CACNA2D3: variants seen among roughly 807,000 people sequenced by gnomAD.
CACNA2D3 encodes the protein voltage-dependent calcium channel subunit alpha-2/delta-3.
CACNA2D3 carries 60 observed loss-of-function variants against 160.6 expected under a neutral mutation model. That is an observed-to-expected ratio of 0.37 (90% confidence interval 0.30 to 0.46). The LOEUF (loss-of-function observed/expected upper bound fraction) is 0.46. Among genes scored for constraint, CACNA2D3 ranks in the 20% least tolerant of loss-of-function variants. CACNA2D3 has a pLI of 1.00. For missense variants in CACNA2D3, 1,205 were observed against 1,365.0 expected (o/e 0.88, Z 1.85); for synonymous variants, 558 against 492.9 (o/e 1.13, Z -1.75).
chr3:54,144,787 CAT>C (rs1174760263), intron 2 of CACNA2D3, among the ~76,000 whole-genome samples: 1 of 152,208 alleles, frequency 6.6e-6, no homozygotes, highest in African/African-American at 2.4e-5. Context: ...TGAAATAATA[CAT>C]GTCAAGAGTT....
chr3:54,175,496 C>T (rs1484705407), intron 2 of CACNA2D3, among the ~76,000 whole-genome samples: 1 of 151,624 alleles, frequency 6.6e-6, no homozygotes, highest in African/African-American at 2.4e-5. Context: ...GCCTGTAGTC[C>T]CAGCTACTCG....
At chr3:54,497,539 A>G (rs1701220821) in intron 4 of CACNA2D3, among the ~76,000 whole-genome samples, 2 of 152,024 alleles carry the variant, frequency 1.3e-5, no homozygotes, top group Admixed American at 1.3e-4. Flanking sequence ...TATAGACAAA[A>G]TCTATGTAGA....
chr3:54,438,695 A>G (rs185121672), intron 4 of CACNA2D3, among the ~76,000 whole-genome samples: 164 of 152,326 alleles, frequency 1.1e-3, no homozygotes, highest in African/African-American at 3.8e-3. Context: ...AAATTTGCAT[A>G]AAAGTAATCA....
chr3:54,195,238 G>A (rs1701057470), intron 2 of CACNA2D3, among the ~76,000 whole-genome samples: 1 of 152,144 alleles, frequency 6.6e-6, no homozygotes, highest in African/African-American at 2.4e-5. Context: ...TGATCTGGAG[G>A]AAAACTCTGA....
chr3:54,821,694 T>A (rs1334192233), intron 14 of CACNA2D3, among the ~76,000 whole-genome samples: 1 of 107,092 alleles, frequency 9.3e-6, no homozygotes, highest in South Asian at 2.9e-4. Flanking sequence ...CTTTCTTTCT[T>A]TCTTTCCTTC....
At chr3:54,149,930 T>TCTCTCTCTCTCTCTCTCTCTCTCC (rs1559863338) in intron 2 of CACNA2D3, among the ~76,000 whole-genome samples, 11 of 40,428 alleles carry the variant, frequency 2.7e-4, no homozygotes, top group Non-Finnish European at 4.9e-4. Flanking sequence ...TCTCTCTCTC[T>TCTCTCTCTCTCTCTCTCTCTCTCC]CCCTCCCTCC....
At chr3:54,707,421 C>T (rs1332185811) in intron 11 of CACNA2D3, among the ~76,000 whole-genome samples, 1 of 152,154 alleles carries the variant, frequency 6.6e-6, no homozygotes, top group Admixed American at 6.6e-5. Flanking sequence ...CTCATCCTGC[C>T]ATCAATCCGA....
At chr3:54,800,207 C>T (rs1487106698) in intron 13 of CACNA2D3, among the ~76,000 whole-genome samples, 1 of 152,152 alleles carries the variant, frequency 6.6e-6, no homozygotes, top group African/African-American at 2.4e-5. Context: ...ATCAGACCCT[C>T]CTTAATCTAC....
chr3:54,458,134 G>T (rs1700432953), intron 4 of CACNA2D3, among the ~76,000 whole-genome samples: 1 of 152,012 alleles, frequency 6.6e-6, no homozygotes, highest in Admixed American at 6.6e-5. Context: ...ATTGGTTTTT[G>T]ATAAGTTTTT....
At chr3:54,873,456 AG>A (rs1699587469) in intron 18 of CACNA2D3, among the ~76,000 whole-genome samples, 1 of 151,876 alleles carries the variant, frequency 6.6e-6, no homozygotes, top group Admixed American at 6.6e-5. Flanking sequence ...CTACTTGAAG[AG>A]ATGTATGACT....
At chr3:54,739,437 A>C (rs1254434555) in intron 11 of CACNA2D3, among the ~76,000 whole-genome samples, 5 of 148,974 alleles carry the variant, frequency 3.4e-5, no homozygotes, top group Admixed American at 6.7e-5. Context: ...AAAAAAAAAA[A>C]AAAACAAAAA....
intron 2 of CACNA2D3, among the ~76,000 whole-genome samples, chr3:54,208,897 T>G (rs1701321273): frequency 6.6e-6 from 1 of 152,138 alleles, no homozygotes; most frequent in Non-Finnish European, 1.5e-5. Context: ...TCCATGTGGC[T>G]GGGGAGGCCT....
chr3:54,547,672 CTTT>C (rs55806357), intron 5 of CACNA2D3, among the ~76,000 whole-genome samples: 27,335 of 69,426 alleles, frequency 0.39, 5,187 homozygotes, highest in South Asian at 0.47. Flanking sequence ...TCCCCCAACC[CTTT>C]TTTTTTTTTT....
At chr3:54,846,706 CATTT>C (rs1174268929) in intron 17 of CACNA2D3, among the ~76,000 whole-genome samples, 14 of 151,994 alleles carry the variant, frequency 9.2e-5, no homozygotes, top group South Asian at 2.1e-4. Context: ...TGTGTATATG[CATTT>C]ATTTATTTAT....
chr3:54,747,489 C>A (rs1701773989), intron 11 of CACNA2D3, among the ~76,000 whole-genome samples: 1 of 152,124 alleles, frequency 6.6e-6, no homozygotes, highest in Non-Finnish European at 1.5e-5. Flanking sequence ...GTTGAGTGCA[C>A]TGTTCATGGC....
intron 31 of CACNA2D3, among the ~76,000 whole-genome samples, chr3:54,995,130 T>C (rs990091470): frequency 6.6e-6 from 1 of 152,006 alleles, no homozygotes; most frequent in African/African-American, 2.4e-5. Context: ...CCCGCCACCA[T>C]GCCCAGTTAA....
chr3:54,227,242 T>C (rs1167307573), intron 2 of CACNA2D3, among the ~76,000 whole-genome samples: 1 of 152,122 alleles, frequency 6.6e-6, no homozygotes, highest in Non-Finnish European at 1.5e-5. Flanking sequence ...GTTCAGGATC[T>C]GGGTGTTTGG....
At chr3:54,147,807 T>C (rs752138755) in intron 2 of CACNA2D3, among the ~76,000 whole-genome samples, 13 of 152,168 alleles carry the variant, frequency 8.5e-5, no homozygotes, top group African/African-American at 1.2e-4. Context: ...AAGATTTTTC[T>C]GTTTGTTTGT....
At chr3:54,442,842 C>T (rs1020774266) in intron 4 of CACNA2D3, among the ~76,000 whole-genome samples, 13 of 152,156 alleles carry the variant, frequency 8.5e-5, no homozygotes, top group African/African-American at 2.4e-4. Flanking sequence ...AGGGTCCTGT[C>T]GTACCCGTCG....
Sources: gnomAD v4.1 joint callset for allele counts (sites outside exome capture counted in the v4.1 genomes callset) on GRCh38, gnomAD v4.1.1 for gene constraint, MANE v1.5 for transcripts, NCBI Gene and HGNC (gene_info 2026-07-23, HGNC 2026-07-21) for gene names.